GRID1: variants seen among roughly 807,000 people sequenced by gnomAD.
GRID1 encodes the protein glutamate receptor ionotropic, delta-1.
GRID1 carries 28 observed loss-of-function variants against 98.0 expected under a neutral mutation model. The ratio of observed to expected loss-of-function variants is 0.29; its 90% CI spans 0.21 to 0.39. The LOEUF (loss-of-function observed/expected upper bound fraction) is 0.39, where lower values mean the gene tolerates loss of function less well. GRID1 is among the 10% of genes least tolerant of loss of function. GRID1 has a pLI of 1.00. For synonymous variants in GRID1, 553 were observed against 538.5 expected (o/e 1.03, Z -0.37); for missense variants, 1,111 against 1,340.5 (o/e 0.83, Z 2.67).
chr10:85,857,221 T>C (rs1843120614), intron 6 of GRID1, among the ~76,000 whole-genome samples: 1 of 152,194 alleles, frequency 6.6e-6, no homozygotes. Context: ...AGTTGTCTGA[T>C]GTGAGCTCAG....
At chr10:85,914,277 T>C (rs1841580581) in intron 5 of GRID1, among the ~76,000 whole-genome samples, 1 of 152,212 alleles carries the variant, frequency 6.6e-6, no homozygotes, top group South Asian at 2.1e-4. Flanking sequence ...GTAATTCTTT[T>C]GAAGACTGGC....
At chr10:85,938,869 C>G (rs1187568095) in intron 4 of GRID1, among the ~76,000 whole-genome samples, 1 of 152,148 alleles carries the variant, frequency 6.6e-6, no homozygotes, top group Non-Finnish European at 1.5e-5. Flanking sequence ...CTCTCATATT[C>G]AACCGAAAAA....
chr10:85,702,463 T>C (rs1841462659), intron 12 of GRID1, among the ~76,000 whole-genome samples: 1 of 152,108 alleles, frequency 6.6e-6, no homozygotes, highest in Non-Finnish European at 1.5e-5. Flanking sequence ...GAAAAATCAA[T>C]GTTCCTGTAA....
intron 4 of GRID1, among the ~76,000 whole-genome samples, chr10:85,966,267 A>C (rs577983679): frequency 2.6e-5 from 4 of 152,226 alleles, no homozygotes; most frequent in Non-Finnish European, 4.4e-5. Flanking sequence ...CAAAACCTTA[A>C]AAGGAAAATA....
At chr10:85,887,172 G>T (rs1448055068) in intron 5 of GRID1, among the ~76,000 whole-genome samples, 1 of 152,210 alleles carries the variant, frequency 6.6e-6, no homozygotes, top group African/African-American at 2.4e-5. Flanking sequence ...CAGAATGTGT[G>T]TTGCATTCAG....
chr10:86,064,779 C>A (rs1456740401), intron 4 of GRID1, among the ~76,000 whole-genome samples: 1 of 152,160 alleles, frequency 6.6e-6, no homozygotes, highest in Non-Finnish European at 1.5e-5. Flanking sequence ...GGCATTTGCA[C>A]CTGTGGATTC....
intron 4 of GRID1, among the ~76,000 whole-genome samples, chr10:86,115,940 C>T (rs1844570365): frequency 6.6e-6 from 1 of 152,036 alleles, no homozygotes; most frequent in South Asian, 2.1e-4. Flanking sequence ...ATACATATAC[C>T]ATTAGATATA....
At chr10:85,832,452 CACA>C (rs950012027) in intron 8 of GRID1, among the ~76,000 whole-genome samples, 12 of 152,168 alleles carry the variant, frequency 7.9e-5, no homozygotes, top group African/African-American at 1.7e-4. Context: ...AAATGTGATA[CACA>C]ACAAGGATAA....
intron 2 of GRID1, among the ~76,000 whole-genome samples, chr10:86,233,458 C>A (rs901800332): frequency 1.3e-5 from 2 of 152,186 alleles, no homozygotes; most frequent in African/African-American, 4.8e-5. Context: ...CACTCCCATC[C>A]CCTCTTGCTC....
At chr10:86,335,088 G>C (rs890736706) in intron 2 of GRID1, among the ~76,000 whole-genome samples, 1 of 152,234 alleles carries the variant, frequency 6.6e-6, no homozygotes, top group African/African-American at 2.4e-5. Context: ...ATCACTCCTT[G>C]CCTTTTAAAA....
At chr10:85,915,706 C>CAT (rs1841609244) in intron 5 of GRID1, among the ~76,000 whole-genome samples, 1 of 152,082 alleles carries the variant, frequency 6.6e-6, no homozygotes, top group Non-Finnish European at 1.5e-5. Flanking sequence ...TAAACACAGA[C>CAT]ATACACACAC....
intron 4 of GRID1, among the ~76,000 whole-genome samples, chr10:86,029,449 A>T (rs1843156408): frequency 6.6e-6 from 1 of 152,224 alleles, no homozygotes; most frequent in Non-Finnish European, 1.5e-5. Flanking sequence ...ACAGAGTTCC[A>T]TCAAAGCCAA....
intron 4 of GRID1, among the ~76,000 whole-genome samples, chr10:86,066,915 G>A (rs1302823143): frequency 1.3e-5 from 2 of 152,138 alleles, no homozygotes; most frequent in Non-Finnish European, 1.5e-5. Flanking sequence ...CATAGGTGCT[G>A]GTAGGGCCTG....
chr10:85,893,055 T>A (rs1433014130), intron 5 of GRID1, among the ~76,000 whole-genome samples: 1 of 152,068 alleles, frequency 6.6e-6, no homozygotes, highest in Non-Finnish European at 1.5e-5. Context: ...AAAATATTCA[T>A]CCCAGGACTG....
chr10:86,111,789 A>G (rs752260366), intron 4 of GRID1, among the ~76,000 whole-genome samples: 1 of 152,216 alleles, frequency 6.6e-6, no homozygotes, highest in Non-Finnish European at 1.5e-5. Context: ...GAAGTCAAAG[A>G]ACTCAACCTG....
chr10:85,644,809 C>G (rs1843165053), intron 13 of GRID1, among the ~76,000 whole-genome samples: 1 of 152,228 alleles, frequency 6.6e-6, no homozygotes, highest in Non-Finnish European at 1.5e-5. Flanking sequence ...AACTGTTACT[C>G]CACGTCTTCT....
At chr10:86,047,176 A>G (rs1370103493) in intron 4 of GRID1, among the ~76,000 whole-genome samples, 1 of 152,226 alleles carries the variant, frequency 6.6e-6, no homozygotes, top group Admixed American at 6.5e-5. Context: ...TTCATCATCA[A>G]AGACAGCTCC....
intron 4 of GRID1, among the ~76,000 whole-genome samples, chr10:85,998,835 A>C (rs1842770157): frequency 6.6e-6 from 1 of 152,228 alleles, no homozygotes; most frequent in African/African-American, 2.4e-5. Context: ...CACAGCTATT[A>C]AAATGATAAG....
At chr10:86,119,813 CAG>C (rs1564680772) in intron 4 of GRID1, among the ~76,000 whole-genome samples, 7 of 152,158 alleles carry the variant, frequency 4.6e-5, no homozygotes, top group African/African-American at 1.7e-4. Flanking sequence ...TTTTTTGAGA[CAG>C]AGTCTCACTC....
Sources: gnomAD v4.1 joint callset for allele counts (sites outside exome capture counted in the v4.1 genomes callset) on GRCh38, gnomAD v4.1.1 for gene constraint, MANE v1.5 for transcripts, NCBI Gene and HGNC (gene_info 2026-07-23, HGNC 2026-07-21) for gene names.